GRM8: variants seen among roughly 807,000 people sequenced by gnomAD.
The protein encoded by GRM8 is glutamate metabotropic receptor 8, also known as metabotropic glutamate receptor 8.
In GRM8, 47 loss-of-function variants were observed where a neutral mutation model predicts 87.2. The ratio of observed to expected loss-of-function variants is 0.54; its 90% CI spans 0.43 to 0.69. The LOEUF is 0.69. GRM8 is among the 30% of genes least tolerant of loss of function. The pLI is 0.00. For synonymous variants in GRM8, 396 were observed against 404.5 expected (o/e 0.98, Z 0.25); for missense variants, 1,019 against 1,139.2 (o/e 0.89, Z 1.52).
At chr7:127,142,882 G>GA (rs1798035058) in intron 2 of GRM8, among the ~76,000 whole-genome samples, 1 of 152,070 alleles carries the variant, frequency 6.6e-6, no homozygotes, top group Non-Finnish European at 1.5e-5. Context: ...AGACAGCAGA[G>GA]AAAAATATAT....
At position 126,814,337 on chromosome 7, in the gene GRM8, G is replaced by A. The variant is rs1364709092; in HGVS notation, c.1157-44272C>T. The stretch of plus-strand genomic sequence containing the variant: ...AAAAAACTGTTCTTGAACCTCCCCT[G>A]TAAGGGACCTTATCAGATACTTTTA... On this transcript the variant is annotated intron_variant, in intron 6 of 10. Coordinates refer to ENST00000339582, the MANE Select transcript of GRM8 (RefSeq NM_000845.3). Among the ~76,000 whole-genome samples, 7 of 152,136 alleles carry A rather than the reference G, an allele frequency of 4.6e-5. No individual in the cohort carries two copies. The East Asian group carries it at 1.4e-3, about 29-fold the overall frequency.
chr7:126,760,251 G>A (rs1817456870), intron 7 of GRM8, among the ~76,000 whole-genome samples: 1 of 152,110 alleles, frequency 6.6e-6, no homozygotes, highest in South Asian at 2.1e-4. Context: ...AGTAAAAGAA[G>A]CCCAACACAA....
intron 2 of GRM8, among the ~76,000 whole-genome samples, chr7:127,117,272 TTTGC>T: frequency 6.6e-6 from 1 of 152,242 alleles, no homozygotes; most frequent in East Asian, 1.9e-4. Context: ...CTGGCTTTGC[TTTGC>T]TTTGCTTTGG....
At chr7:126,440,034 A>G (rs999437411) in intron 10 of GRM8, among the ~76,000 whole-genome samples, 4 of 152,230 alleles carry the variant, frequency 2.6e-5, no homozygotes, top group African/African-American at 7.2e-5. Context: ...TTCATAAAGT[A>G]AAATTTATAG....
chr7:126,445,952 T>C, intron 10 of GRM8, 174 bp downstream of exon 10: 2 of 723,354 alleles, frequency 2.8e-6, no homozygotes, highest in East Asian at 2.5e-5. Flanking sequence ...GCCGCTCATC[T>C]TGAGACCATT....
intron 2 of GRM8, among the ~76,000 whole-genome samples, chr7:127,186,221 T>C (rs1195085872): frequency 6.6e-6 from 1 of 152,098 alleles, no homozygotes; most frequent in African/African-American, 2.4e-5. Context: ...ATTAATGTCT[T>C]GGTGGGGTGA....
At chr7:126,635,287 C>A (rs917322385) in intron 7 of GRM8, among the ~76,000 whole-genome samples, 1 of 152,042 alleles carries the variant, frequency 6.6e-6, no homozygotes, top group Admixed American at 6.6e-5. Context: ...CATGAATTCC[C>A]GTTTGAAAAG....
At chr7:127,061,635 GGAA>G (rs1820603528) in intron 3 of GRM8, among the ~76,000 whole-genome samples, 2 of 151,948 alleles carry the variant, frequency 1.3e-5, no homozygotes. Context: ...TGATGCTTGT[GGAA>G]GCTCAAGTTC....
intron 3 of GRM8, among the ~76,000 whole-genome samples, chr7:127,016,564 G>A (rs1030965067): frequency 2.6e-5 from 4 of 151,950 alleles, no homozygotes; most frequent in Non-Finnish European, 5.9e-5. Flanking sequence ...ACAGAACATG[G>A]TGACAGAGAT....
chr7:127,146,176 G>T (rs1828542581), intron 2 of GRM8, among the ~76,000 whole-genome samples: 3 of 151,980 alleles, frequency 2.0e-5, no homozygotes, highest in Admixed American at 1.3e-4. Flanking sequence ...AATCTACTCT[G>T]CTTTGTTTTT....
intron 7 of GRM8, among the ~76,000 whole-genome samples, chr7:126,651,761 C>A (rs1803901270): frequency 6.6e-6 from 1 of 152,144 alleles, no homozygotes; most frequent in Non-Finnish European, 1.5e-5. Flanking sequence ...TGAAATCAGT[C>A]TACTGCTCCA....
chr7:127,181,782 G>C (rs1357100634), intron 2 of GRM8, among the ~76,000 whole-genome samples: 3 of 152,030 alleles, frequency 2.0e-5, no homozygotes, highest in Admixed American at 6.6e-5. Context: ...TGGATAATTG[G>C]CTAGCCACAT....
At chr7:126,524,340 G>C (rs901142868) in intron 9 of GRM8, among the ~76,000 whole-genome samples, 1 of 152,144 alleles carries the variant, frequency 6.6e-6, no homozygotes, top group African/African-American at 2.4e-5. Flanking sequence ...GTTGGCTATA[G>C]AATTTTAAGT....
rs1801289783 is a variant in GRM8 at position 126,893,819 on chromosome 7, C to A, written c.1156+8723G>T. On this transcript the variant is annotated intron_variant, in intron 6 of 10. Coordinates refer to ENST00000339582, the MANE Select transcript of GRM8 (RefSeq NM_000845.3). ...TTAGCCTTAGTAAGCTCTAATCACA[C>A]TTAGTCTTAATTTCTCAATTAGCCT... Among the ~76,000 whole-genome samples, 3 of 151,932 alleles carry A rather than the reference C, an allele frequency of 2.0e-5. No individual in the cohort carries two copies. In the South Asian group the frequency reaches 6.3e-4, roughly 32 times the overall value.
intron 2 of GRM8, among the ~76,000 whole-genome samples, chr7:127,168,288 A>T (rs146199905): frequency 6.6e-6 from 1 of 152,294 alleles, no homozygotes; most frequent in African/African-American, 2.4e-5. Flanking sequence ...GAGAAATGCA[A>T]ATCAAAACCA....
intron 6 of GRM8, among the ~76,000 whole-genome samples, chr7:126,811,850 T>G (rs1418710445): frequency 2.0e-5 from 3 of 152,016 alleles, no homozygotes. Context: ...TGAATGTCTT[T>G]TCTTTCTTCT....
intron 8 of GRM8, among the ~76,000 whole-genome samples, chr7:126,574,190 T>C (rs144319431): frequency 6.6e-6 from 1 of 152,240 alleles, no homozygotes; most frequent in African/African-American, 2.4e-5. Context: ...CTTCAGCCAA[T>C]GAGGCTTGTT....
chr7:126,500,960 AT>A (rs1299636983), intron 9 of GRM8, among the ~76,000 whole-genome samples: 2 of 151,794 alleles, frequency 1.3e-5, no homozygotes, highest in African/African-American at 4.8e-5. Context: ...TCACATGTTT[AT>A]TTTTTCTGAC....
intron 6 of GRM8, among the ~76,000 whole-genome samples, chr7:126,852,089 G>A (rs1441477398): frequency 6.6e-6 from 1 of 152,126 alleles, no homozygotes; most frequent in East Asian, 1.9e-4. Context: ...GCATAGGTGT[G>A]ATGCTGTTTC....
Sources: gnomAD v4.1 joint callset for allele counts (sites outside exome capture counted in the v4.1 genomes callset) on GRCh38, gnomAD v4.1.1 for gene constraint, MANE v1.5 for transcripts, NCBI Gene and HGNC (gene_info 2026-07-23, HGNC 2026-07-21) for gene names.